PLEKHG1: variants seen among roughly 807,000 people sequenced by gnomAD.
The protein encoded by PLEKHG1 is pleckstrin homology domain-containing family G member 1.
Under a neutral mutation model 100.8 loss-of-function variants are expected in PLEKHG1, and 44 were observed. That is an observed-to-expected ratio of 0.44 (90% CI 0.34 to 0.56). The LOEUF is 0.56. Ranked by LOEUF, PLEKHG1 falls within the 20% of genes least tolerant of loss-of-function variation. PLEKHG1 has a pLI of 0.01. For synonymous variants in PLEKHG1, 640 were observed against 662.5 expected (o/e 0.97, Z 0.52); for missense variants, 1,545 against 1,720.9 (o/e 0.90, Z 1.81).
intron 2 of PLEKHG1, among the ~76,000 whole-genome samples, chr6:150,755,303 CT>C (rs1169671068): frequency 3.9e-5 from 6 of 152,172 alleles, no homozygotes; most frequent in African/African-American, 1.4e-4. Context: ...ATGCACAGGT[CT>C]CCCCTGACAA....
intron 1 of PLEKHG1, among the ~76,000 whole-genome samples, chr6:150,728,195 C>T (rs986385012): frequency 2.0e-5 from 3 of 152,150 alleles, no homozygotes; most frequent in Non-Finnish European, 2.9e-5. Context: ...TTTAAATCTT[C>T]AAGAATAATG....
exon 16 of PLEKHG1, chr6:150,840,924 A>G (rs921938251): frequency 2.0e-6 from 3 of 1,515,878 alleles, no homozygotes; most frequent in Admixed American, 1.7e-5. Context: ...GCTTGAATCA[A>G]CTTCTTATTT....
At chr6:150,820,998 A>G (rs1043029777) in intron 12 of PLEKHG1, among the ~76,000 whole-genome samples, 197 bp from the exon 14 acceptor site, 1 of 152,230 alleles carries the variant, frequency 6.6e-6, no homozygotes, top group African/African-American at 2.4e-5. Flanking sequence ...AACACAGCAT[A>G]ACATTTATTC....
intron 3 of PLEKHG1, chr6:150,651,843 A>T (rs1778758568): frequency 6.6e-6 from 1 of 152,090 alleles, no homozygotes; most frequent in African/African-American, 2.4e-5. Flanking sequence ...TAGGGGATAG[A>T]GTAAGACTCT....
chr6:150,804,868 A>ACTTTTTTCAGGGAG, intron 7 of PLEKHG1, 127 bp downstream of exon 8: 1 of 829,332 alleles, frequency 1.2e-6, no homozygotes, highest in Non-Finnish European at 1.8e-6. Context: ...TTCTCCCTGA[A>ACTTTTTTCAGGGAG]AAAAGTTCAG....
chr6:150,739,792 C>T (rs917292407), intron 2 of PLEKHG1, among the ~76,000 whole-genome samples: 1 of 152,132 alleles, frequency 6.6e-6, no homozygotes, highest in African/African-American at 2.4e-5. Context: ...TGTAGCTAAA[C>T]AAGGATTAGA....
chr6:150,712,767 A>G (rs148018352), intron 3 of PLEKHG1, among the ~76,000 whole-genome samples: 126 of 152,358 alleles, frequency 8.3e-4, no homozygotes, highest in African/African-American at 2.9e-3. Flanking sequence ...GTAATTAAAC[A>G]TAAGATGAAA....
At chr6:150,758,517 T>A (rs7454101) in intron 2 of PLEKHG1, among the ~76,000 whole-genome samples, 16,628 of 152,168 alleles carry the variant, frequency 0.11, 963 homozygotes, top group East Asian at 0.17. Flanking sequence ...GTATTTTTAG[T>A]AGAGATGGGG....
intron 2 of PLEKHG1, among the ~76,000 whole-genome samples, chr6:150,750,233 C>T (rs1387302456): frequency 6.6e-6 from 1 of 151,988 alleles, no homozygotes; most frequent in Non-Finnish European, 1.5e-5. Flanking sequence ...GGGGCTATTA[C>T]TTAAGCGACT....
At chr6:150,805,386 A>G (rs1309429054) in intron 7 of PLEKHG1, among the ~76,000 whole-genome samples, 8 of 152,194 alleles carry the variant, frequency 5.3e-5, no homozygotes, top group Non-Finnish European at 1.2e-4. Context: ...TTAAGCCTTT[A>G]TTCCTCTGCC....
At position 150,693,687 on chromosome 6, in the gene PLEKHG1, C is replaced by T. The variant is rs180864499; in HGVS notation, c.-98-39897C>T. ...CTCTAAGCACATCCTCACCCATCAC[C>T]TCCTTCCAGAGCCAGCTCGATACCC... On this transcript the variant is annotated intron_variant, in intron 3 of 3. Coordinates refer to the PLEKHG1 transcript ENST00000367326. Among the ~76,000 whole-genome samples, 11 of 152,338 alleles carry T rather than the reference C, an allele frequency of 7.2e-5. No individual in the cohort carries two copies. In the East Asian group the frequency reaches 2.1e-3, roughly 29 times the overall value.
At chr6:150,646,471 G>A (rs1471680311) in intron 2 of PLEKHG1, among the ~76,000 whole-genome samples, 2 of 152,040 alleles carry the variant, frequency 1.3e-5, no homozygotes. Flanking sequence ...ATGTTGGTGC[G>A]AATGCCAGAA....
At chr6:150,611,673 ATGG>A (rs1199686330) in intron 1 of PLEKHG1, among the ~76,000 whole-genome samples, 1 of 152,054 alleles carries the variant, frequency 6.6e-6, no homozygotes. Flanking sequence ...TTAGCCGGGC[ATGG>A]TGGTGGGTGC....
intron 3 of PLEKHG1, among the ~76,000 whole-genome samples, chr6:150,783,759 T>C (rs1785456625): frequency 6.6e-6 from 1 of 152,222 alleles, no homozygotes; most frequent in South Asian, 2.1e-4. Context: ...GTTTATGTTT[T>C]ATTATGTTTT....
intron 3 of PLEKHG1, among the ~76,000 whole-genome samples, chr6:150,651,512 G>A (rs1256119401): frequency 6.6e-6 from 1 of 152,128 alleles, no homozygotes. Context: ...GGGATTACAG[G>A]TGAGAGCCAC....
chr6:150,631,368 G>T (rs1349285418), intron 1 of PLEKHG1, among the ~76,000 whole-genome samples: 1 of 152,194 alleles, frequency 6.6e-6, no homozygotes, highest in African/African-American at 2.4e-5. Flanking sequence ...TTCAGGTGAT[G>T]GACAGACAGG....
At chr6:150,840,514 C>T (rs775099592) in exon 16 of PLEKHG1, 16 of 1,614,052 alleles carry the variant, frequency 9.9e-6, no homozygotes, top group Non-Finnish European at 1.4e-5. Context: ...CCCTTAAATG[C>T]CCAAATTGCA....
In PLEKHG1 at chr6:150,683,764, T is replaced by C. The variant is rs1407473855; in HGVS notation, c.-99+32978T>C. On this transcript the variant is annotated intron_variant, in intron 3 of 3. Transcript: ENST00000367326. The surrounding 1 kb of genome is among the most constrained non-coding windows in gnomAD (Gnocchi z 4.0). ...GGGCATAGGACGTCTGAAGGAAAGA[T>C]GGAGCCATTCTTGGTGGGGCGGAAG... The C allele has an allele frequency of 7.8e-7, 1 of 1,286,232 alleles. No homozygotes were observed. Among genetic ancestry groups the C allele is most frequent in the Admixed American group, 2.3e-5 (1 of 42,768 alleles). 79.7% of individuals were successfully genotyped at this position (1,286,232 alleles called of 1,614,324 possible).
At position 150,831,246 on chromosome 6, in the gene PLEKHG1, C is replaced by T. The variant is rs143400573; in HGVS notation, c.2135C>T (p.Ser712Phe). Residue 712 changes from serine to phenylalanine, a missense_variant, in exon 15 of 16, where the codon TCT becomes TTT. Physicochemically the swap from Ser to Phe is radical, Grantham distance 155. Coordinates refer to ENST00000358517, the Ensembl canonical transcript of PLEKHG1. The surrounding 1 kb of genome is among the most constrained non-coding windows in gnomAD (Gnocchi z 4.1). The stretch of plus-strand genomic sequence containing the variant: ...AGGCAAGCTGGCCACAGTAAGGGCT[C>T]TCTTTACGCACAAACAGATGGCACC... 2 of 1,614,028 alleles carry T rather than the reference C, an allele frequency of 1.2e-6. No individual in the cohort carries two copies. Among genetic ancestry groups the T allele is most frequent in the East Asian group, 2.2e-5 (1 of 44,886 alleles).
Sources: allele counts gnomAD v4.1 joint callset (sites outside exome capture counted in the v4.1 genomes callset), GRCh38; gene constraint gnomAD v4.1.1; non-coding constraint Gnocchi (gnomAD v3.1); transcripts MANE v1.5; gene names NCBI Gene and HGNC (gene_info 2026-07-23, HGNC 2026-07-21).